Variants in CAST observed in about 807,000 individuals in gnomAD.
CAST encodes calpastatin, also known as MIR583 host.
In CAST, 76 loss-of-function variants were observed where a neutral mutation model predicts 119.6. That is an observed-to-expected ratio of 0.64 (90% confidence interval 0.53 to 0.77). The LOEUF (loss-of-function observed/expected upper bound fraction) is 0.77. Ranked by LOEUF, CAST falls within the 30% of genes least tolerant of loss-of-function variation. The probability of loss-of-function intolerance (pLI) is 0.00; values close to 1 mark genes in which losing one functional copy is unlikely to be tolerated. For synonymous variants in CAST, 319 were observed against 331.6 expected, an observed-to-expected ratio of 0.96 and a Z score of 0.41; for missense variants, 953 against 946.5, an observed-to-expected ratio of 1.01 and a Z score of -0.09.
At chr5:96,654,389 T>G (rs1034857934) in intron 1 of CAST, among the ~76,000 whole-genome samples, 1 of 152,196 alleles carries the variant, frequency 6.6e-6, no homozygotes, top group Non-Finnish European at 1.5e-5. Context: ...TCATTTATGC[T>G]TCCTATATCT....
At chr5:96,117,350 T>C in the CAST span, among the ~76,000 whole-genome samples, 2 of 152,208 alleles carry the variant, frequency 1.3e-5, no homozygotes, top group Non-Finnish European at 2.9e-5. Context: ...CCTCTCTTCT[T>C]GGTGATGTAC....
At chr5:96,367,822 C>G in the CAST span, among the ~76,000 whole-genome samples, 1 of 151,930 alleles carries the variant, frequency 6.6e-6, no homozygotes, top group Non-Finnish European at 1.5e-5. Context: ...GTGGGCTGCA[C>G]CCTCTATCCT....
chr5:96,439,054 A>G, the CAST span, among the ~76,000 whole-genome samples: 2 of 152,150 alleles, frequency 1.3e-5, no homozygotes, highest in African/African-American at 4.8e-5. Flanking sequence ...TCCACTTAAT[A>G]TACTGATATA....
At chr5:96,007,512 G>C in the CAST span, among the ~76,000 whole-genome samples, 6 of 152,178 alleles carry the variant, frequency 3.9e-5, no homozygotes, top group Admixed American at 6.5e-5. Context: ...CCTCCAATGT[G>C]ATGGTATCTA....
At chr5:96,647,520 C>A (rs1291988227) in intron 1 of CAST, among the ~76,000 whole-genome samples, 1 of 151,998 alleles carries the variant, frequency 6.6e-6, no homozygotes, top group Non-Finnish European at 1.5e-5. Context: ...AAATGTGTCC[C>A]CCCAAAATGA....
the CAST span, among the ~76,000 whole-genome samples, chr5:96,301,867 G>C: frequency 6.6e-6 from 1 of 152,164 alleles, no homozygotes; most frequent in Non-Finnish European, 1.5e-5. Flanking sequence ...GCAAGCTGTT[G>C]GTGGATCTAC....
intron 1 of CAST, among the ~76,000 whole-genome samples, chr5:96,655,280 A>C (rs112434943): frequency 0.041 from 6,315 of 152,286 alleles, 177 homozygotes; most frequent in Middle Eastern, 0.092. Flanking sequence ...AACATGGAAA[A>C]ATGCAGGAAA....
At chr5:96,219,192 A>T in the CAST span, among the ~76,000 whole-genome samples, 2 of 152,192 alleles carry the variant, frequency 1.3e-5, no homozygotes, top group East Asian at 3.9e-4. Flanking sequence ...TTAACCAAAA[A>T]TTTTCATTTG....
the CAST span, among the ~76,000 whole-genome samples, chr5:96,336,862 GT>G: frequency 2.0e-5 from 3 of 152,114 alleles, no homozygotes; most frequent in African/African-American, 7.2e-5. Context: ...TTTCATGTCT[GT>G]TAATCAAGTA....
the CAST span, among the ~76,000 whole-genome samples, chr5:96,280,994 A>G: frequency 6.6e-6 from 1 of 152,194 alleles, no homozygotes; most frequent in African/African-American, 2.4e-5. Flanking sequence ...AATAGAAACA[A>G]TATGCCCATG....
chr5:96,030,549 T>C, the CAST span, among the ~76,000 whole-genome samples: 2 of 152,160 alleles, frequency 1.3e-5, no homozygotes, highest in African/African-American at 4.8e-5. Context: ...GCTGTAAGTA[T>C]GGACAGCAAG....
At chr5:96,285,126 C>T in the CAST span, among the ~76,000 whole-genome samples, 54,748 of 151,978 alleles carry the variant, frequency 0.36, 10,627 homozygotes, top group African/African-American at 0.49. Flanking sequence ...ATCCATGTAG[C>T]TACCTGATTC....
the CAST span, among the ~76,000 whole-genome samples, chr5:96,508,825 A>T: frequency 1.3e-5 from 2 of 152,222 alleles, no homozygotes; most frequent in African/African-American, 4.8e-5. Context: ...CAGAGTAGTT[A>T]AGGGTGCAGA....
the CAST span, among the ~76,000 whole-genome samples, chr5:96,041,853 C>T: frequency 6.6e-6 from 1 of 152,132 alleles, no homozygotes; most frequent in Non-Finnish European, 1.5e-5. Flanking sequence ...TACCTTTCTA[C>T]CCCTCCTCCC....
chr5:96,026,023 C>T, the CAST span, among the ~76,000 whole-genome samples: 41 of 152,098 alleles, frequency 2.7e-4, no homozygotes, highest in Non-Finnish European at 3.8e-4. Flanking sequence ...GCTTAAGCCC[C>T]GGAGTTTAAG....
At chr5:96,502,620 C>CTTTCT in the CAST span, among the ~76,000 whole-genome samples, 2 of 59,118 alleles carry the variant, frequency 3.4e-5, no homozygotes, top group South Asian at 1.2e-3. Context: ...CCTAGTCTTT[C>CTTTCT]TTTCTTTCTT....
chr5:96,722,641 G>T lies in CAST; in HGVS notation c.213G>T (p.Val71=). The change falls in exon 4 of 32, where the codon GTG becomes GTT. Residue 71 remains valine (V), a splice_region_variant and synonymous_variant. Coordinates refer to ENST00000675179, the MANE Select transcript of CAST (RefSeq NM_001750.7). The part of the protein sequence containing the change: ...YAGGTASATK[V]SASSGATSKS... ...CTATTTCTTTCTTTCCTTTCTAGGT[G>T]TCAGCTTCCTCTGGTGCAACCAGCA... 1 of 1,610,936 alleles carries T rather than the reference G, an allele frequency of 6.2e-7. No homozygotes were observed. The highest frequency in any genetic ancestry group is 8.5e-7 in the Non-Finnish European group (1 of 1,177,068).
chr5:96,118,508 C>T, the CAST span, among the ~76,000 whole-genome samples: 7 of 152,056 alleles, frequency 4.6e-5, no homozygotes, highest in Admixed American at 3.3e-4. Flanking sequence ...AAAAGGAAGC[C>T]TTGTTGTCTG....
intron 1 of CAST, among the ~76,000 whole-genome samples, chr5:96,572,578 A>G (rs988200429): frequency 1.3e-5 from 2 of 152,226 alleles, no homozygotes; most frequent in Non-Finnish European, 2.9e-5. Flanking sequence ...CTTCAAAACT[A>G]TAATGCTAAA....
Sources: gnomAD v4.1 joint callset for allele counts (sites outside exome capture counted in the v4.1 genomes callset) on GRCh38, gnomAD v4.1.1 for gene constraint, MANE v1.5 for transcripts, NCBI Gene and HGNC (gene_info 2026-07-23, HGNC 2026-07-21) for gene names.